B4GALT6: variants seen among roughly 807,000 people sequenced by gnomAD.
B4GALT6 encodes beta-1,4-galactosyltransferase 6, also known as UDP-Gal:beta-GlcNAc beta-1,4-galactosyltransferase 6.
B4GALT6 carries 14 observed loss-of-function variants against 46.3 expected under a neutral mutation model. The ratio of observed to expected loss-of-function variants is 0.30; its 90% CI spans 0.20 to 0.47. The LOEUF (loss-of-function observed/expected upper bound fraction) is 0.47. Among genes scored for constraint, B4GALT6 ranks in the 20% least tolerant of loss-of-function variants. The pLI is 0.99. For missense variants in B4GALT6, 386 were observed against 480.1 expected (o/e 0.80, Z 1.83); for synonymous variants, 168 against 162.0 (o/e 1.04, Z -0.28).
At chr18:31,655,518 C>G (rs1311444502) in intron 3 of B4GALT6, among the ~76,000 whole-genome samples, 2 of 152,204 alleles carry the variant, frequency 1.3e-5, no homozygotes, top group Admixed American at 6.5e-5. Flanking sequence ...GACGCAATCT[C>G]TCAGGCACCA....
rs1378412630 is a variant in B4GALT6 at position 31,622,324 on chromosome 18, G to A, written c.*3290C>T. Reference sequence around the variant, plus strand: ...CCATGAGAAGCAAAAAAAGAAGTGGGATACAAGAAATTACTAGCATTTATT... The same window carrying A: ...CCATGAGAAGCAAAAAAAGAAGTGGAATACAAGAAATTACTAGCATTTATT... On this transcript the variant is annotated 3_prime_UTR_variant, in exon 9 of 9. Transcript: ENST00000306851. 1 of 151,940 alleles carries A rather than the reference G, an allele frequency of 6.6e-6. No individual in the cohort carries two copies. The highest frequency in any genetic ancestry group is 1.5e-5 in the Non-Finnish European group (1 of 67,888). The allele number at this position is 151,940 out of a possible 1,614,324, so 9.4% of individuals were successfully genotyped here.
At chr18:31,630,420 T>C (rs2073772111) in intron 6 of B4GALT6, among the ~76,000 whole-genome samples, 1 of 151,794 alleles carries the variant, frequency 6.6e-6, no homozygotes. Flanking sequence ...GATTTGGGTT[T>C]TTTTTTTTTA....
chr18:31,684,791 G>A, upstream of B4GALT6: 1 of 1,041,222 alleles, frequency 9.6e-7, no homozygotes, highest in East Asian at 8.1e-5. Flanking sequence ...GTGGGAGGAG[G>A]CGCAGGCTGC....
chr18:31,639,743 C>T (rs181859436), intron 4 of B4GALT6, among the ~76,000 whole-genome samples: 5 of 152,104 alleles, frequency 3.3e-5, no homozygotes, highest in South Asian at 2.1e-4. Context: ...TTTCTTAGTA[C>T]GTTAATCTTT....
chr18:31,699,786 T>A, the B4GALT6 span, among the ~76,000 whole-genome samples: 9 of 151,892 alleles, frequency 5.9e-5, no homozygotes, highest in African/African-American at 2.2e-4. Flanking sequence ...TTATTGTACA[T>A]AAAGTGTAAT....
intron 3 of B4GALT6, among the ~76,000 whole-genome samples, chr18:31,650,379 G>C (rs2074049217): frequency 6.6e-6 from 1 of 152,174 alleles, no homozygotes; most frequent in South Asian, 2.1e-4. Flanking sequence ...GCCTTTCAAA[G>C]GAAAAAGCTA....
At chr18:31,666,656 A>AT (rs1481746248) in intron 1 of B4GALT6, among the ~76,000 whole-genome samples, 7 of 152,212 alleles carry the variant, frequency 4.6e-5, no homozygotes, top group Non-Finnish European at 7.3e-5. Context: ...CACATCTGTG[A>AT]TTTTCTACTA....
chr18:31,722,327 A>T, the B4GALT6 span, among the ~76,000 whole-genome samples: 1 of 152,208 alleles, frequency 6.6e-6, no homozygotes, highest in Admixed American at 6.5e-5. Flanking sequence ...TCTCTGGAAG[A>T]ATACATAAGG....
At chr18:31,632,730 T>G (rs1478843102) in intron 5 of B4GALT6, among the ~76,000 whole-genome samples, 2 of 152,250 alleles carry the variant, frequency 1.3e-5, no homozygotes, top group Non-Finnish European at 2.9e-5. Flanking sequence ...ATTTCTTCAG[T>G]GCTGAGTGAA....
the B4GALT6 span, among the ~76,000 whole-genome samples, chr18:31,702,895 C>T: frequency 6.6e-6 from 1 of 152,126 alleles, no homozygotes; most frequent in Non-Finnish European, 1.5e-5. Flanking sequence ...AGGTATGCAG[C>T]ACAATACTTT....
At chr18:31,698,636 A>G in the B4GALT6 span, among the ~76,000 whole-genome samples, 1 of 106,982 alleles carries the variant, frequency 9.3e-6, no homozygotes, top group Non-Finnish European at 2.1e-5. Context: ...ATCTCAAAAG[A>G]AAAAAAAAAA....
intron 5 of B4GALT6, among the ~76,000 whole-genome samples, chr18:31,631,540 G>T (rs1215899263): frequency 1.3e-5 from 2 of 151,582 alleles, no homozygotes; most frequent in African/African-American, 4.8e-5. Flanking sequence ...TAGTCCATTG[G>T]TACATCAGCA....
At chr18:31,655,626 A>C (rs113159162) in intron 3 of B4GALT6, among the ~76,000 whole-genome samples, 1 of 152,202 alleles carries the variant, frequency 6.6e-6, no homozygotes. Flanking sequence ...ATTAGTACTC[A>C]TAAAGCACTA....
intron 1 of B4GALT6, among the ~76,000 whole-genome samples, chr18:31,681,909 C>T (rs952482594): frequency 6.6e-6 from 1 of 152,042 alleles, no homozygotes; most frequent in Non-Finnish European, 1.5e-5. Context: ...GTAATTCAGG[C>T]TAAAATATGA....
intron 1 of B4GALT6, among the ~76,000 whole-genome samples, chr18:31,670,945 C>T (rs138008068): frequency 2.6e-5 from 4 of 152,042 alleles, no homozygotes; most frequent in African/African-American, 9.6e-5. Flanking sequence ...TGTTCCCCAC[C>T]CTGTGTCCAT....
At chr18:31,678,709 C>T (rs2074444930) in intron 1 of B4GALT6, among the ~76,000 whole-genome samples, 1 of 152,206 alleles carries the variant, frequency 6.6e-6, no homozygotes, top group Non-Finnish European at 1.5e-5. Context: ...CAAATATGGA[C>T]AACGCGGTGG....
intron 4 of B4GALT6, among the ~76,000 whole-genome samples, chr18:31,643,246 T>C (rs2073952651): frequency 6.6e-6 from 1 of 152,220 alleles, no homozygotes; most frequent in Non-Finnish European, 1.5e-5. Context: ...GAGACTACAT[T>C]CTGAGAAGGA....
chr18:31,651,407 G>A (rs375249157), intron 3 of B4GALT6, among the ~76,000 whole-genome samples: 41 of 152,082 alleles, frequency 2.7e-4, no homozygotes, highest in African/African-American at 8.2e-4. Context: ...GGTGGGGTGG[G>A]GGGCTCTCTA....
At chr18:31,630,019 AAGG>A (rs1170782809) in intron 6 of B4GALT6, among the ~76,000 whole-genome samples, 4 of 140,362 alleles carry the variant, frequency 2.8e-5, no homozygotes, top group Admixed American at 7.1e-5. Context: ...TGAGGTGGAG[AAGG>A]AGAAGCAGGA....
Sources: allele counts gnomAD v4.1 joint callset (sites outside exome capture counted in the v4.1 genomes callset), GRCh38; gene constraint gnomAD v4.1.1; transcripts MANE v1.5; gene names NCBI Gene and HGNC (gene_info 2026-07-23, HGNC 2026-07-21).